Variants in PCDH15 observed in about 807,000 individuals in gnomAD.
PCDH15 encodes the protein protocadherin-15.
Under a neutral mutation model 178.5 loss-of-function variants are expected in PCDH15, and 129 were observed. The observed-to-expected ratio is 0.72, with a 90% CI of 0.63 to 0.84. The LOEUF (loss-of-function observed/expected upper bound fraction) is 0.84, where lower values mean the gene tolerates loss of function less well. Among genes scored for constraint, PCDH15 ranks in the 40% least tolerant of loss-of-function variants. The pLI is 0.00. For missense variants in PCDH15, 2,230 were observed against 2,099.9 expected (o/e 1.06, Z -1.21); for synonymous variants, 800 against 732.0 (o/e 1.09, Z -1.50).
chr10:53,822,192 C>G (rs2076317453), intron 32 of PCDH15: 9 of 1,613,936 alleles, frequency 5.6e-6, no homozygotes, highest in Non-Finnish European at 7.6e-6. Flanking sequence ...GCATTTAACA[C>G]CTGTTATACA....
At chr10:54,139,709 A>G (rs1333107486) in intron 14 of PCDH15, among the ~76,000 whole-genome samples, 1 of 152,194 alleles carries the variant, frequency 6.6e-6, no homozygotes, top group Non-Finnish European at 1.5e-5. Flanking sequence ...CTAGTTCAGA[A>G]GTTATCTAAA....
chr10:54,047,536 G>GT (rs1484672430), intron 18 of PCDH15, among the ~76,000 whole-genome samples: 6 of 151,784 alleles, frequency 4.0e-5, no homozygotes, highest in African/African-American at 9.7e-5. Flanking sequence ...CCCAATGGTT[G>GT]TTTTTTTCAG....
At chr10:55,091,157 AC>A (rs1842308489) in intron 2 of PCDH15, among the ~76,000 whole-genome samples, 1 of 152,024 alleles carries the variant, frequency 6.6e-6, no homozygotes. Context: ...AAACATAATG[AC>A]CCTCAATTAT....
At chr10:54,324,741 G>A (rs1015219409) in intron 7 of PCDH15, among the ~76,000 whole-genome samples, 7 of 151,854 alleles carry the variant, frequency 4.6e-5, no homozygotes, top group Admixed American at 3.9e-4. Context: ...CTACAGCCTG[G>A]GTGACAGAGC....
Position 54,236,955 on chromosome 10 carries a change from T to C in PCDH15, c.877-24A>G, listed in dbSNP as rs775200012. 36 of 1,556,022 alleles carry C rather than the reference T, an allele frequency of 2.3e-5. No individual in the cohort carries two copies. In the Middle Eastern group the frequency reaches 5.0e-4, roughly 22 times the overall value. On this transcript the variant is annotated intron_variant, in intron 8 of 37. Transcript: ENST00000644397. The stretch of plus-strand genomic sequence containing the variant: ...TCCTGAAAAAAAAATTAAGAGAGTT[T>C]CATTCAGCCGCATTACTAATACTTC...
intron 2 of PCDH15, among the ~76,000 whole-genome samples, chr10:55,612,264 A>G (rs1372806247): frequency 6.6e-6 from 1 of 152,152 alleles, no homozygotes; most frequent in African/African-American, 2.4e-5. Flanking sequence ...GTATACATGT[A>G]TCTTAACATC....
intron 2 of PCDH15, among the ~76,000 whole-genome samples, chr10:55,011,900 A>T (rs940366029): frequency 6.6e-6 from 1 of 152,122 alleles, no homozygotes; most frequent in Non-Finnish European, 1.5e-5. Context: ...TAATAGAGAC[A>T]TAGCACTCAA....
chr10:54,626,520 G>C (rs1156507954), intron 2 of PCDH15, among the ~76,000 whole-genome samples: 1 of 152,200 alleles, frequency 6.6e-6, no homozygotes, highest in South Asian at 2.1e-4. Flanking sequence ...CAGGCCCTGA[G>C]CCTTGGCAGT....
intron 5 of PCDH15, among the ~76,000 whole-genome samples, chr10:54,353,153 C>G (rs969830625): frequency 2.0e-5 from 3 of 152,020 alleles, no homozygotes; most frequent in African/African-American, 7.2e-5. Flanking sequence ...TTTCTGTGAC[C>G]ATTATATTGG....
At chr10:54,451,995 G>C (rs1203031755) in intron 3 of PCDH15, among the ~76,000 whole-genome samples, 1 of 151,796 alleles carries the variant, frequency 6.6e-6, no homozygotes, top group Non-Finnish European at 1.5e-5. Flanking sequence ...GATGCCAGGA[G>C]CTCTAAATTA....
chr10:54,263,313 T>A (rs1371600845), intron 8 of PCDH15, among the ~76,000 whole-genome samples: 1 of 152,050 alleles, frequency 6.6e-6, no homozygotes, highest in Non-Finnish European at 1.5e-5. Context: ...AATGTGGCCA[T>A]GGCATCAGCC....
chr10:55,564,733 A>T (rs1298813213), intron 2 of PCDH15, among the ~76,000 whole-genome samples: 2 of 151,736 alleles, frequency 1.3e-5, no homozygotes, highest in Non-Finnish European at 3.0e-5. Context: ...GATAAAATAG[A>T]CTTTAAATAA....
At chr10:53,875,557 G>A (rs1473840476) in intron 26 of PCDH15, among the ~76,000 whole-genome samples, 1 of 151,812 alleles carries the variant, frequency 6.6e-6, no homozygotes, top group Non-Finnish European at 1.5e-5. Flanking sequence ...ATCTGGGAGA[G>A]GTGACTCTGG....
At chr10:55,431,815 A>T (rs560823286) in intron 2 of PCDH15, among the ~76,000 whole-genome samples, 1 of 152,098 alleles carries the variant, frequency 6.6e-6, no homozygotes, top group Non-Finnish European at 1.5e-5. Context: ...CATTAAAAAT[A>T]GCCCATATAG....
intron 2 of PCDH15, among the ~76,000 whole-genome samples, chr10:55,099,379 AGCT>A (rs1485680906): frequency 1.3e-5 from 2 of 152,104 alleles, no homozygotes; most frequent in Non-Finnish European, 2.9e-5. Context: ...GACTATCATA[AGCT>A]GCTACTACTA....
intron 2 of PCDH15, among the ~76,000 whole-genome samples, chr10:55,623,456 A>G (rs1228680386): frequency 1.3e-5 from 2 of 152,114 alleles, no homozygotes; most frequent in Non-Finnish European, 2.9e-5. Flanking sequence ...TTAAATCACT[A>G]TTAGTGTGAA....
At chr10:54,475,224 G>T (rs1168430959) in intron 3 of PCDH15, among the ~76,000 whole-genome samples, 1 of 151,820 alleles carries the variant, frequency 6.6e-6, no homozygotes, top group African/African-American at 2.4e-5. Context: ...TTTCAGTAAC[G>T]ACTAATGCCA....
chr10:54,263,668 A>C (rs1166934272), intron 8 of PCDH15, among the ~76,000 whole-genome samples: 1 of 152,202 alleles, frequency 6.6e-6, no homozygotes, highest in African/African-American at 2.4e-5. Flanking sequence ...CACCCCTGCA[A>C]CTACCCAGAA....
intron 3 of PCDH15, among the ~76,000 whole-genome samples, chr10:54,525,240 G>T (rs2083261101): frequency 6.6e-6 from 1 of 152,150 alleles, no homozygotes; most frequent in Admixed American, 6.5e-5. Context: ...TCAGTTAAGT[G>T]AGCCACAGGC....
Sources: gnomAD v4.1 joint callset for allele counts (sites outside exome capture counted in the v4.1 genomes callset) on GRCh38, gnomAD v4.1.1 for gene constraint, MANE v1.5 for transcripts, NCBI Gene and HGNC (gene_info 2026-07-23, HGNC 2026-07-21) for gene names.